CPXM2: variants seen among roughly 807,000 people sequenced by gnomAD.
The protein encoded by CPXM2 is carboxypeptidase X, M14 family member 2.
In CPXM2, 66 loss-of-function variants were observed where a neutral mutation model predicts 86.1. That is an observed-to-expected ratio of 0.77 (90% CI 0.63 to 0.94). The LOEUF is 0.94. Among genes scored for constraint, CPXM2 ranks in the 40% least tolerant of loss-of-function variants. The pLI is 0.00. For missense variants in CPXM2, 948 were observed against 1,026.3 expected (o/e 0.92, Z 1.04); for synonymous variants, 388 against 400.2 (o/e 0.97, Z 0.36).
chr10:123,889,193 G>A lies in CPXM2; in HGVS notation c.304+2163C>T, dbSNP rs78562002. On this transcript the variant is annotated intron_variant, in intron 1 of 13. Transcript: ENST00000241305. ...CACATTAGTCTGTGGACACTGCTCAGGCCAGGCTGTGACTTTCTGAGATGT... is the reference window on the plus strand; with the variant it reads ...CACATTAGTCTGTGGACACTGCTCAAGCCAGGCTGTGACTTTCTGAGATGT... Among the ~76,000 whole-genome samples, 1,036 of 152,336 alleles carry A rather than the reference G, an allele frequency of 6.8e-3. 15 individuals are homozygous for A. The highest frequency in any genetic ancestry group is 0.023 in the African/African-American group (974 of 41,576).
At chr10:123,757,132 T>C in intron 12 of CPXM2, 81 bp downstream of exon 12, 1 of 1,329,958 alleles carries the variant, frequency 7.5e-7, no homozygotes, top group East Asian at 2.3e-5. Flanking sequence ...AAGCTCTAAT[T>C]CCATCCCATA....
At chr10:123,749,347 A>T (rs1367920358) in intron 13 of CPXM2, among the ~76,000 whole-genome samples, 1 of 152,154 alleles carries the variant, frequency 6.6e-6, no homozygotes, top group Non-Finnish European at 1.5e-5. Flanking sequence ...AAAGAAACCC[A>T]CAATTAATGG....
At chr10:123,857,584 A>T (rs1848756045) in intron 3 of CPXM2, among the ~76,000 whole-genome samples, 1 of 142,508 alleles carries the variant, frequency 7.0e-6, no homozygotes, top group East Asian at 2.3e-4. Context: ...GTGGAGATGG[A>T]AGGCGGCGTG....
intron 4 of CPXM2, among the ~76,000 whole-genome samples, chr10:123,816,645 G>T (rs375899081): frequency 1.3e-5 from 2 of 152,182 alleles, no homozygotes; most frequent in African/African-American, 4.8e-5. Context: ...CACATCTCCT[G>T]GCAACTGGTA....
At chr10:123,893,282 G>C (rs1449055798), upstream of CPXM2, among the ~76,000 whole-genome samples, 1 of 152,202 alleles carries the variant, frequency 6.6e-6, no homozygotes, top group Non-Finnish European at 1.5e-5. Flanking sequence ...CCACTGAGCT[G>C]AGTCAGGGCA....
chr10:123,886,729 A>G (rs533079690), intron 1 of CPXM2, among the ~76,000 whole-genome samples: 24 of 152,250 alleles, frequency 1.6e-4, no homozygotes, highest in Non-Finnish European at 2.1e-4. Flanking sequence ...TGCAATGAAG[A>G]GAGAAATAAA....
intron 4 of CPXM2, among the ~76,000 whole-genome samples, chr10:123,824,181 G>A (rs1051665309): frequency 1.3e-5 from 2 of 152,172 alleles, no homozygotes; most frequent in African/African-American, 4.8e-5. Flanking sequence ...GGAAGTTTAT[G>A]TGAATAAAAT....
intron 13 of CPXM2, among the ~76,000 whole-genome samples, chr10:123,747,684 C>T (rs971314601): frequency 5.9e-5 from 9 of 152,102 alleles, no homozygotes; most frequent in Admixed American, 5.2e-4. Context: ...ACCTCCCAGG[C>T]ACCTAATGTG....
In CPXM2 at chr10:123,786,094, T is replaced by TA. The variant is rs1188265742; in HGVS notation, c.890-5840dup. ...TCTCATGATCCCATCTTGGGCTAGA[T>TA]ATGACCTACATTTGGCCAATGCCCA... On this transcript the variant is annotated intron_variant, in intron 6 of 13. Transcript: ENST00000241305. Among the ~76,000 whole-genome samples the TA allele has an allele frequency of 2.2e-4, 34 of 152,358 alleles. No individual in the cohort carries two copies. In the Middle Eastern group the frequency reaches 0.014, roughly 61 times the overall value.
chr10:123,751,849 G>A, intron 13 of CPXM2: 3 of 985,236 alleles, frequency 3.0e-6, no homozygotes, highest in South Asian at 9.4e-5. Flanking sequence ...AATACACTGG[G>A]AAATTATTTA....
intron 6 of CPXM2, among the ~76,000 whole-genome samples, chr10:123,781,316 A>G (rs79754754): frequency 0.011 from 1,698 of 152,312 alleles, 39 homozygotes; most frequent in African/African-American, 0.039. Flanking sequence ...GCATTCCTAT[A>G]AGCCTGTATG....
At chr10:123,748,872 T>A (rs931159132) in intron 13 of CPXM2, among the ~76,000 whole-genome samples, 9 of 151,492 alleles carry the variant, frequency 5.9e-5, no homozygotes, top group African/African-American at 2.2e-4. Flanking sequence ...TCCTCTCCCC[T>A]CTCCATGCTA....
intron 2 of CPXM2, among the ~76,000 whole-genome samples, chr10:123,897,404 G>C (rs1359128764): frequency 1.3e-5 from 2 of 152,168 alleles, no homozygotes; most frequent in African/African-American, 4.8e-5. Flanking sequence ...GTCTCTTGCT[G>C]AAGGTCATGT....
At chr10:123,849,179 C>T (rs889921369) in intron 3 of CPXM2, among the ~76,000 whole-genome samples, 2 of 151,926 alleles carry the variant, frequency 1.3e-5, no homozygotes, top group African/African-American at 2.4e-5. Context: ...ATCTATTGAT[C>T]GGTTTTGTGT....
chr10:123,936,814 C>A (rs1945725218), intron 2 of CPXM2, among the ~76,000 whole-genome samples: 2 of 152,184 alleles, frequency 1.3e-5, no homozygotes, highest in Admixed American at 6.5e-5. Flanking sequence ...CTGGCCTGCA[C>A]CCTCCTGCCT....
At position 123,865,821 on chromosome 10, in the gene CPXM2, AGG is replaced by A. The variant is rs1848964261; in HGVS notation, c.404-3100_404-3099del. ...CTGCCTCCTCCTGGCCAACCCCAGG[AGG>A]GGCAACACCTCCATCTCTGCTTCTT... On this transcript the variant is annotated intron_variant, in intron 2 of 13. Coordinates refer to ENST00000241305, the MANE Select transcript of CPXM2 (RefSeq NM_198148.3). The surrounding 1 kb of genome is among the most constrained non-coding windows in gnomAD (Gnocchi z 4.7). Among the ~76,000 whole-genome samples the A allele has an allele frequency of 6.6e-6, 1 of 152,078 alleles. No individual in the cohort carries two copies. Among genetic ancestry groups the A allele is most frequent in the Non-Finnish European group, 1.5e-5 (1 of 68,010 alleles).
Position 123,768,637 on chromosome 10 carries a change from C to T in CPXM2, c.1188G>A (p.Val396=), listed in dbSNP as rs1846551725. The change falls in exon 9 of 14, where the codon GTG becomes GTA. Residue 396 remains valine (V), a synonymous_variant. Transcript: ENST00000241305. The part of the protein sequence containing the change: ...RELLLLLVQF[V]CQEYLARNAR... ...CATTCCGGGCCAAGTACTCCTGACA[C>T]ACGAACTGCACCAGCAGCAGCAGCA... 6.2e-7 allele frequency: 1 copy of T among 1,613,818 alleles called. No individual in the cohort carries two copies. Among genetic ancestry groups the T allele is most frequent in the Admixed American group, 1.7e-5 (1 of 60,000 alleles).
rs117425375 is a variant in CPXM2, at chr10:123,881,610, G to A, written c.305-1301C>T. Among the ~76,000 whole-genome samples, 168 of 152,348 alleles carry A rather than the reference G, an allele frequency of 1.1e-3. 1 individual carries two copies. The highest frequency in any genetic ancestry group is 5.9e-3 in the Admixed American group (90 of 15,310). On this transcript the variant is annotated intron_variant, in intron 1 of 13. Transcript: ENST00000241305. Reference sequence around the variant, plus strand: ...GGGACAAGGAGCTGTCATTTCTACTGCAGTTGGCTTCTGGCTACAGCCTGA... The same window carrying A: ...GGGACAAGGAGCTGTCATTTCTACTACAGTTGGCTTCTGGCTACAGCCTGA...
chr10:123,918,971 G>A (rs1945558693), intron 2 of CPXM2, among the ~76,000 whole-genome samples: 1 of 152,186 alleles, frequency 6.6e-6, no homozygotes, highest in Admixed American at 6.5e-5. Flanking sequence ...CCAGGAAAGG[G>A]GGCCACTGGG....
Sources: gnomAD v4.1 joint callset for allele counts (sites outside exome capture counted in the v4.1 genomes callset) on GRCh38, gnomAD v4.1.1 for gene constraint, Gnocchi (gnomAD v3.1) non-coding constraint, MANE v1.5 for transcripts, NCBI Gene and HGNC (gene_info 2026-07-23, HGNC 2026-07-21) for gene names.